Variants in LNX2 observed in about 807,000 individuals in gnomAD.
The protein encoded by LNX2 is ligand of numb-protein X 2.
LNX2 carries 35 observed loss-of-function variants against 66.2 expected under a neutral mutation model. The ratio of observed to expected loss-of-function variants is 0.53; its 90% confidence interval spans 0.40 to 0.70. The LOEUF (loss-of-function observed/expected upper bound fraction) is 0.70. LNX2 is among the 30% of genes least tolerant of loss of function. The pLI is 0.00. For synonymous variants in LNX2, 337 were observed against 315.6 expected (o/e 1.07, Z -0.72); for missense variants, 791 against 850.8 (o/e 0.93, Z 0.87).
At chr13:27,557,151 GCAATAT>G (rs1312514590) in intron 6 of LNX2, among the ~76,000 whole-genome samples, 2 of 152,036 alleles carry the variant, frequency 1.3e-5, no homozygotes, top group Admixed American at 6.6e-5. Flanking sequence ...ATGTACATAT[GCAATAT>G]TAATATTAAA....
At chr13:27,564,364 T>C (rs1955178240) in intron 4 of LNX2, among the ~76,000 whole-genome samples, 1 of 101,674 alleles carries the variant, frequency 9.8e-6, no homozygotes, top group Non-Finnish European at 2.1e-5. Context: ...TTGAGCTAAA[T>C]GTATTTTTTT....
chr13:27,619,013 C>T (rs1348438804), intron 1 of LNX2, among the ~76,000 whole-genome samples: 1 of 152,196 alleles, frequency 6.6e-6, no homozygotes, highest in Non-Finnish European at 1.5e-5. Context: ...GAAGCAACCC[C>T]CGCCATCAAT....
At chr13:27,618,289 C>T (rs1180254973) in intron 1 of LNX2, among the ~76,000 whole-genome samples, 2 of 152,184 alleles carry the variant, frequency 1.3e-5, no homozygotes, top group East Asian at 3.8e-4. Flanking sequence ...TACTATCTGG[C>T]AATCACTATT....
In LNX2 at chr13:27,548,478, AAG is replaced by A. The variant is rs763513934; in HGVS notation, c.1938-10_1938-9del. The A allele has an allele frequency of 4.4e-6, 7 of 1,607,908 alleles. No homozygotes were observed. The highest frequency in any genetic ancestry group is 2.2e-5 in the East Asian group (1 of 44,822). ...ACAATCATGTCACCACACCTGGACA[AAG>A]AGAGACAGATACAGAATGTTACTAT... On this transcript the variant is annotated splice_polypyrimidine_tract_variant and intron_variant, in intron 9 of 9. Coordinates refer to ENST00000316334, the MANE Select transcript of LNX2 (RefSeq NM_153371.4).
chr13:27,573,480 T>G (rs539296566), intron 2 of LNX2, among the ~76,000 whole-genome samples: 25 of 150,426 alleles, frequency 1.7e-4, no homozygotes, highest in African/African-American at 5.1e-4. Context: ...TTGCTGAAGA[T>G]TGTGGCTGCC....
chr13:27,549,270 C>G (rs895160560), intron 9 of LNX2, among the ~76,000 whole-genome samples: 1 of 152,146 alleles, frequency 6.6e-6, no homozygotes, highest in Non-Finnish European at 1.5e-5. Flanking sequence ...AGTGTACATT[C>G]TCCATCTGCA....
intron 1 of LNX2, among the ~76,000 whole-genome samples, chr13:27,594,684 T>C (rs926514265): frequency 5.3e-5 from 8 of 152,178 alleles, no homozygotes; most frequent in African/African-American, 1.2e-4. Context: ...TATTCCCCTC[T>C]AAATGATCCG....
chr13:27,567,782 C>A lies in LNX2; in HGVS notation c.713G>T (p.Arg238Leu), dbSNP rs762940510. Reference protein sequence around the residue: ...EGEITTIEIHRSNPYIQLGIS... With the variant: ...EGEITTIEIHLSNPYIQLGIS... ...TCCTAACTGAATGTAAGGATTGGAC[C>A]GATGAATTTCAATCGTGGTGATTTC... is the stretch of plus-strand genomic sequence containing the variant. Residue 238 changes from arginine to leucine, a missense_variant, in exon 4 of 10, where the codon CGG (arginine) becomes CTG (leucine). By Grantham distance (102) the Arg-to-Leu change is moderately radical. Transcript: ENST00000316334. 6.2e-7 allele frequency: 1 copy of A among 1,613,898 alleles called. No individual in the cohort carries two copies. The highest frequency in any genetic ancestry group is 8.5e-7 in the Non-Finnish European group (1 of 1,179,954).
chr13:27,601,529 G>T (rs1955658327), intron 1 of LNX2, among the ~76,000 whole-genome samples: 1 of 152,108 alleles, frequency 6.6e-6, no homozygotes, highest in Non-Finnish European at 1.5e-5. Flanking sequence ...CTATGATTTG[G>T]TGTAATTAAC....
chr13:27,581,043 A>C (rs1300873763), intron 2 of LNX2, among the ~76,000 whole-genome samples: 1 of 152,226 alleles, frequency 6.6e-6, no homozygotes, highest in African/African-American at 2.4e-5. Flanking sequence ...TGAATATATC[A>C]GTTTCATATT....
intron 7 of LNX2, among the ~76,000 whole-genome samples, chr13:27,554,451 A>G (rs887302582): frequency 1.3e-5 from 2 of 152,156 alleles, no homozygotes; most frequent in African/African-American, 4.8e-5. Flanking sequence ...GTCTCTACAG[A>G]TTTGCCTCTT....
At chr13:27,557,509 CAGA>C (rs1408272190) in intron 6 of LNX2, among the ~76,000 whole-genome samples, 6 of 151,968 alleles carry the variant, frequency 3.9e-5, no homozygotes, top group African/African-American at 1.4e-4. Flanking sequence ...GATAATGTCT[CAGA>C]AGGTTTTAAC....
At chr13:27,550,211 G>T in intron 9 of LNX2, 122 bp downstream of exon 9, 1 of 787,996 alleles carries the variant, frequency 1.3e-6, no homozygotes, top group Non-Finnish European at 2.0e-6. Flanking sequence ...TAGCTGCACT[G>T]CAATGAAACT....
intron 3 of LNX2, 140 bp downstream of exon 3, chr13:27,568,889 T>C (rs1297724634): frequency 1.2e-6 from 1 of 867,886 alleles, no homozygotes; most frequent in Non-Finnish European, 1.7e-6. Context: ...ATATAAATTA[T>C]ATCTCAATGA....
chr13:27,559,833 A>G lies in LNX2; in HGVS notation c.1368+9T>C. On this transcript the variant is annotated intron_variant, in intron 6 of 9. Transcript: ENST00000316334. ...TGATGGTGGCATAAAAAAAAAAAAA[A>G]ATCCTCACCTTATGTGAGCTTGGTC... is the stretch of plus-strand genomic sequence containing the variant. 2 of 1,500,268 alleles carry G rather than the reference A, an allele frequency of 1.3e-6. No individual in the cohort carries two copies. Among genetic ancestry groups the G allele is most frequent in the East Asian group, 2.4e-5 (1 of 41,810 alleles). 92.9% of individuals were successfully genotyped at this position (1,500,268 alleles called of 1,614,324 possible). A position where few individuals can be genotyped will look rare whatever the true frequency, so the allele number is the denominator to read the frequency against.
intron 1 of LNX2, among the ~76,000 whole-genome samples, chr13:27,590,478 C>A (rs1385222325): frequency 6.6e-6 from 1 of 152,064 alleles, no homozygotes; most frequent in East Asian, 1.9e-4. Flanking sequence ...CTCGGCCTCC[C>A]ACGGCCTCCG....
At chr13:27,612,923 G>A (rs1593267379) in intron 1 of LNX2, among the ~76,000 whole-genome samples, 1 of 152,228 alleles carries the variant, frequency 6.6e-6, no homozygotes, top group East Asian at 1.9e-4. Flanking sequence ...ATATTATCTT[G>A]AATCGCCTCT....
At chr13:27,599,473 T>G (rs9512759) in intron 1 of LNX2, among the ~76,000 whole-genome samples, 90,759 of 152,016 alleles carry the variant, frequency 0.6, 28,937 homozygotes, top group African/African-American at 0.83. Context: ...GGATATAACT[T>G]CCTCTATCCT....
At chr13:27,567,578 A>C in intron 4 of LNX2, 62 bp downstream of exon 4, 1 of 1,404,766 alleles carries the variant, frequency 7.1e-7, no homozygotes, top group South Asian at 1.2e-5. Context: ...CAATTTTCTA[A>C]GGTTTAAGTG....
Sources: allele counts gnomAD v4.1 joint callset (sites outside exome capture counted in the v4.1 genomes callset), GRCh38; gene constraint gnomAD v4.1.1; transcripts MANE v1.5; gene names NCBI Gene and HGNC (gene_info 2026-07-23, HGNC 2026-07-21).